The following NTM variants were observed in gnomAD, a reference collection of about 807,000 sequenced individuals.
NTM encodes neurotrimin.
In NTM, 13 loss-of-function variants were observed where a neutral mutation model predicts 42.1. The ratio of observed to expected loss-of-function variants is 0.31; its 90% CI spans 0.20 to 0.49. The LOEUF (loss-of-function observed/expected upper bound fraction) is 0.49, where lower values mean the gene tolerates loss of function less well. NTM is among the 20% of genes least tolerant of loss of function. The pLI is 0.99. For synonymous variants in NTM, 187 were observed against 179.2 expected (o/e 1.04, Z -0.35); for missense variants, 373 against 452.8 (o/e 0.82, Z 1.60).
At chr11:132,222,661 A>T (rs1320089874) in intron 4 of NTM, among the ~76,000 whole-genome samples, 1 of 151,968 alleles carries the variant, frequency 6.6e-6, no homozygotes, top group Non-Finnish European at 1.5e-5. Flanking sequence ...TTGCACTAGA[A>T]CCCGGAGTCC....
At chr11:132,115,084 T>C (rs2063706865) in intron 2 of NTM, among the ~76,000 whole-genome samples, 1 of 152,230 alleles carries the variant, frequency 6.6e-6, no homozygotes, top group Non-Finnish European at 1.5e-5. Flanking sequence ...CTCACTTATA[T>C]GTTGATCTAG....
At chr11:131,659,846 G>T (rs541816284) in intron 1 of NTM, among the ~76,000 whole-genome samples, 1 of 152,276 alleles carries the variant, frequency 6.6e-6, no homozygotes, top group East Asian at 1.9e-4. Flanking sequence ...CTCCACGGAG[G>T]GTCTCAGAGG....
chr11:131,583,743 C>T (rs977517714), intron 1 of NTM, among the ~76,000 whole-genome samples: 5 of 152,232 alleles, frequency 3.3e-5, no homozygotes, highest in African/African-American at 1.2e-4. Context: ...TAGTTTAATC[C>T]CTGCGAATGG....
chr11:132,201,585 C>A (rs1348208327), intron 3 of NTM, among the ~76,000 whole-genome samples: 1 of 152,146 alleles, frequency 6.6e-6, no homozygotes, highest in African/African-American at 2.4e-5. Context: ...TCTTGCCAGC[C>A]CCTGGCTCTG....
At chr11:131,714,763 C>T (rs1260103155) in intron 1 of NTM, among the ~76,000 whole-genome samples, 2 of 152,178 alleles carry the variant, frequency 1.3e-5, no homozygotes, top group Non-Finnish European at 1.5e-5. Context: ...TCCACTCTCG[C>T]CAGCCTTTAC....
At position 132,266,010 on chromosome 11, in the gene NTM, C is replaced by T. The variant is rs180982925; in HGVS notation, c.527-41679C>T. ...TACTTCCTTAACACAGGGTGCTGTT[C>T]TAGGAGGAAGAATGAGGAAAAACAT... is the stretch of plus-strand genomic sequence containing the variant. On this transcript the variant is annotated intron_variant, in intron 4 of 8. Coordinates refer to ENST00000683400, the MANE Select transcript of NTM (RefSeq NM_001352005.2). Among the ~76,000 whole-genome samples the T allele has an allele frequency of 3.9e-5, 6 of 152,214 alleles. No homozygotes were observed. The East Asian group carries it at 1.2e-3, about 29-fold the overall frequency.
chr11:132,103,280 T>G (rs2061854111), intron 2 of NTM, among the ~76,000 whole-genome samples: 1 of 152,194 alleles, frequency 6.6e-6, no homozygotes, highest in Admixed American at 6.5e-5. Context: ...ATCTTTGGGG[T>G]CCACGGTGGC....
rs1253419981 is a variant in NTM, at chr11:131,610,427, A to G, written c.82+239539A>G. On this transcript the variant is annotated intron_variant, in intron 1 of 8. Transcript: ENST00000683400. ...TTTGGCCCACGGAATTCATTAGTAA[A>G]TAAGTGCAGAATTCTTCTCCTATGT... 6.4e-4 allele frequency among the ~76,000 whole-genome samples: 98 copies of G among 152,208 alleles called. 1 individual carries two copies. The highest frequency in any genetic ancestry group is 8.8e-5 in the Non-Finnish European group (6 of 68,048).
At chr11:132,254,299 C>T (rs1015679217) in intron 4 of NTM, among the ~76,000 whole-genome samples, 1 of 152,036 alleles carries the variant, frequency 6.6e-6, no homozygotes, top group African/African-American at 2.4e-5. Flanking sequence ...CTCCTTCTCG[C>T]CCACTTGTCT....
chr11:131,795,124 A>G (rs1000692353), intron 1 of NTM: 1 of 495,868 alleles, frequency 2.0e-6, no homozygotes, highest in Non-Finnish European at 2.6e-6. Context: ...CATTAAAAGT[A>G]TTGTATTAAA....
chr11:131,508,788 A>G (rs1176437719), intron 1 of NTM, among the ~76,000 whole-genome samples: 2 of 150,638 alleles, frequency 1.3e-5, no homozygotes, highest in Non-Finnish European at 1.5e-5. Flanking sequence ...CGCAAGAACA[A>G]AAAACCAAAC....
rs10604283 is a variant in NTM at position 131,834,625 on chromosome 11, C to CATATATATATATATAT, written c.83-76934_83-76919dup. On this transcript the variant is annotated intron_variant, in intron 1 of 8. Coordinates refer to ENST00000683400, the MANE Select transcript of NTM (RefSeq NM_001352005.2). ...TAGTGTGTGTATATATATACATATA[C>CATATATATATATATAT]ATATATATATATATATATATGTATA... 7.0e-3 allele frequency among the ~76,000 whole-genome samples: 939 copies of CATATATATATATATAT among 133,916 alleles called. 5 individuals are homozygous for CATATATATATATATAT. The highest frequency in any genetic ancestry group is 0.012 in the African/African-American group (452 of 37,204). The allele number at this position is 133,916 out of a possible 152,430, so 87.9% of individuals were successfully genotyped here.
intron 1 of NTM, among the ~76,000 whole-genome samples, chr11:131,382,282 CT>C (rs1942785455): frequency 6.6e-6 from 1 of 152,114 alleles, no homozygotes; most frequent in Non-Finnish European, 1.5e-5. Context: ...CAGGATCCCA[CT>C]TACAAACAGG....
intron 1 of NTM, among the ~76,000 whole-genome samples, chr11:131,645,324 C>G (rs1192652993): frequency 6.6e-6 from 1 of 152,264 alleles, no homozygotes; most frequent in East Asian, 1.9e-4. Flanking sequence ...TTCTCCTCGC[C>G]GTGCGTTTGC....
chr11:131,688,127 A>G (rs1356035525), intron 1 of NTM, among the ~76,000 whole-genome samples: 2 of 152,184 alleles, frequency 1.3e-5, no homozygotes, highest in Non-Finnish European at 2.9e-5. Flanking sequence ...GGAGCCGCAG[A>G]TGCCGCGGGG....
In NTM at chr11:132,032,892, G is replaced by A. The variant is rs564215; in HGVS notation, c.168-113390G>A. Among the ~76,000 whole-genome samples, 9 of 152,222 alleles carry A rather than the reference G, an allele frequency of 5.9e-5. No individual in the cohort carries two copies. The East Asian group carries it at 1.7e-3, about 29-fold the overall frequency. On this transcript the variant is annotated intron_variant, in intron 2 of 8. Coordinates refer to ENST00000683400, the MANE Select transcript of NTM (RefSeq NM_001352005.2). Reference sequence around the variant, plus strand: ...AACATCCTAAGTTAAACTTCTCCAGGGAAGAATGCTGTATTTATCATCTCA... The same window carrying A: ...AACATCCTAAGTTAAACTTCTCCAGAGAAGAATGCTGTATTTATCATCTCA...
chr11:131,763,253 CT>C (rs2084520919), intron 1 of NTM, among the ~76,000 whole-genome samples: 1 of 152,180 alleles, frequency 6.6e-6, no homozygotes, highest in South Asian at 2.1e-4. Flanking sequence ...ATATTTTAGT[CT>C]TTCCAAATAT....
At chr11:131,964,143 A>G (rs889398135) in intron 2 of NTM, among the ~76,000 whole-genome samples, 1 of 152,154 alleles carries the variant, frequency 6.6e-6, no homozygotes, top group African/African-American at 2.4e-5. Flanking sequence ...AACAGTCCAG[A>G]AGGGTGAGTG....
chr11:132,317,702 C>A (rs1160176623), intron 7 of NTM: 1 of 1,301,924 alleles, frequency 7.7e-7, no homozygotes, highest in Non-Finnish European at 1.0e-6. Flanking sequence ...TCAGTATCTT[C>A]CTTGCTTTAT....
Sources: allele counts gnomAD v4.1 joint callset (sites outside exome capture counted in the v4.1 genomes callset), GRCh38; gene constraint gnomAD v4.1.1; transcripts MANE v1.5; gene names NCBI Gene and HGNC (gene_info 2026-07-23, HGNC 2026-07-21).